Variants in MYT1L observed in about 807,000 individuals in gnomAD.
MYT1L encodes myelin transcription factor 1 like, also known as myelin transcription factor 1-like protein.
Under a neutral mutation model 126.7 loss-of-function variants are expected in MYT1L, and 12 were observed. The observed-to-expected ratio is 0.09, with a 90% confidence interval of 0.06 to 0.15. The LOEUF (loss-of-function observed/expected upper bound fraction) is 0.15, where lower values mean the gene tolerates loss of function less well. Among genes scored for constraint, MYT1L ranks in the 10% least tolerant of loss-of-function variants. The pLI, the probability that MYT1L is intolerant of heterozygous loss-of-function variation, is 1.00. For missense variants in MYT1L, 979 were observed against 1,585.2 expected, an observed-to-expected ratio of 0.62 and a Z score of 6.49; for synonymous variants, 541 against 604.2, an observed-to-expected ratio of 0.90 and a Z score of 1.53.
intron 21 of MYT1L, among the ~76,000 whole-genome samples, chr2:1,833,767 T>C (rs1467722642): frequency 6.6e-6 from 1 of 152,232 alleles, no homozygotes; most frequent in African/African-American, 2.4e-5. Context: ...ACCCTAAAGA[T>C]AAAATGTTTT....
chr2:1,964,626 AT>A (rs1199556039), intron 8 of MYT1L, among the ~76,000 whole-genome samples: 7 of 152,244 alleles, frequency 4.6e-5, no homozygotes, highest in Non-Finnish European at 1.0e-4. Flanking sequence ...CTTAAAAAAA[AT>A]CTTAACTAGA....
chr2:2,211,288 T>G (rs191761078), intron 2 of MYT1L, among the ~76,000 whole-genome samples: 12 of 152,306 alleles, frequency 7.9e-5, no homozygotes, highest in Admixed American at 7.8e-4. Context: ...AATGACCACG[T>G]TTTTAAACAT....
intron 4 of MYT1L, among the ~76,000 whole-genome samples, chr2:2,006,755 T>A (rs1177475823): frequency 6.6e-6 from 1 of 151,950 alleles, no homozygotes; most frequent in Non-Finnish European, 1.5e-5. Flanking sequence ...TTTGTATTTT[T>A]AGTAGAGACG....
chr2:2,076,508 C>CCAATAAACAGA, intron 3 of MYT1L, among the ~76,000 whole-genome samples: 1 of 152,160 alleles, frequency 6.6e-6, no homozygotes, highest in East Asian at 1.9e-4. Context: ...TAAAAACTAA[C>CCAATAAACAGA]CAATAAACAG....
chr2:2,012,315 G>A (rs909057257), intron 4 of MYT1L, among the ~76,000 whole-genome samples: 5 of 152,176 alleles, frequency 3.3e-5, no homozygotes, highest in South Asian at 2.1e-4. Flanking sequence ...TAGATGCTAC[G>A]ACATAAATGA....
At chr2:1,960,179 A>T (rs939122389) in intron 8 of MYT1L, among the ~76,000 whole-genome samples, 1 of 152,188 alleles carries the variant, frequency 6.6e-6, no homozygotes, top group African/African-American at 2.4e-5. Flanking sequence ...TGGAAAGACG[A>T]CATACAAGGC....
At chr2:2,105,933 T>C (rs973271910) in intron 3 of MYT1L, among the ~76,000 whole-genome samples, 2 of 152,232 alleles carry the variant, frequency 1.3e-5, no homozygotes, top group Non-Finnish European at 2.9e-5. Flanking sequence ...TGCATTTTTA[T>C]TCCCGAGACA....
intron 2 of MYT1L, among the ~76,000 whole-genome samples, chr2:2,232,889 G>C (rs1484762549): frequency 6.6e-6 from 1 of 152,130 alleles, no homozygotes; most frequent in Non-Finnish European, 1.5e-5. Flanking sequence ...TGATTGTACT[G>C]CCTCTGGGTT....
At chr2:1,902,841 C>T (rs1305932462) in intron 14 of MYT1L, 6 of 526,696 alleles carry the variant, frequency 1.1e-5, no homozygotes, top group African/African-American at 3.8e-5. Context: ...CAGCCGAGTG[C>T]GCTGTCTCGG....
chr2:1,825,696 T>A (rs1039501129), intron 21 of MYT1L: 13 of 152,212 alleles, frequency 8.5e-5, no homozygotes, highest in Non-Finnish European at 4.4e-5. Flanking sequence ...TGTTTGTATA[T>A]TGGTTTTCCC....
At chr2:1,968,547 G>T (rs978156846) in intron 8 of MYT1L, among the ~76,000 whole-genome samples, 23 of 152,290 alleles carry the variant, frequency 1.5e-4, no homozygotes, top group South Asian at 2.1e-4. Context: ...ACAAGGAACG[G>T]ATCTTTTAAA....
At chr2:2,239,145 C>T (rs1433447267) in intron 2 of MYT1L, among the ~76,000 whole-genome samples, 1 of 152,230 alleles carries the variant, frequency 6.6e-6, no homozygotes, top group Non-Finnish European at 1.5e-5. Context: ...CATGAATGGA[C>T]ACTACCATTT....
Position 1,910,486 on chromosome 2 carries a change from C to A in MYT1L, c.1710-139G>T. On this transcript the variant is annotated intron_variant, in intron 12 of 24. Transcript: ENST00000647738. The surrounding 1 kb of genome is among the most constrained non-coding windows in gnomAD (Gnocchi z 4.8). The stretch of plus-strand genomic sequence containing the variant: ...TTTCCCAAACCTGGCACAGGCAGTC[C>A]TGATGGGTGGACTGGGAGAGGGGGA... The A allele has an allele frequency of 1.4e-6, 1 of 697,804 alleles. No individual in the cohort carries two copies. The highest frequency in any genetic ancestry group is 2.2e-5 in the Admixed American group (1 of 45,570). 43.2% of individuals were successfully genotyped at this position (697,804 alleles called of 1,614,324 possible).
At chr2:2,270,609 G>T (rs1411152129) in intron 2 of MYT1L, among the ~76,000 whole-genome samples, 2 of 151,896 alleles carry the variant, frequency 1.3e-5, no homozygotes, top group African/African-American at 4.8e-5. Context: ...GCCAATCCAA[G>T]CAATGAAAAA....
intron 4 of MYT1L, among the ~76,000 whole-genome samples, chr2:2,030,123 A>T (rs1648692460): frequency 6.6e-6 from 1 of 152,148 alleles, no homozygotes; most frequent in South Asian, 2.1e-4. Flanking sequence ...TTTAAGATGG[A>T]GTCTTGCTCT....
intron 2 of MYT1L, among the ~76,000 whole-genome samples, chr2:2,173,470 T>C (rs1323492003): frequency 6.6e-6 from 1 of 152,254 alleles, no homozygotes; most frequent in Non-Finnish European, 1.5e-5. Flanking sequence ...CTCAACTTTA[T>C]CTTACTATCA....
chr2:2,325,381 A>G (rs892423606), intron 1 of MYT1L: 5 of 152,218 alleles, frequency 3.3e-5, no homozygotes, highest in African/African-American at 1.2e-4. Flanking sequence ...AACAAAAGCT[A>G]TGAAACTACT....
intron 2 of MYT1L, among the ~76,000 whole-genome samples, chr2:2,235,984 C>T (rs182939902): frequency 1.8e-4 from 27 of 152,240 alleles, no homozygotes; most frequent in African/African-American, 3.6e-4. Flanking sequence ...TAGATAATAG[C>T]GTATCATTAC....
intron 3 of MYT1L, among the ~76,000 whole-genome samples, chr2:2,171,354 C>T (rs1203403429): frequency 6.6e-6 from 1 of 152,206 alleles, no homozygotes; most frequent in Admixed American, 6.5e-5. Context: ...TGCTTTATCT[C>T]AAACTACATT....
Sources: gnomAD v4.1 joint callset for allele counts (sites outside exome capture counted in the v4.1 genomes callset) on GRCh38, gnomAD v4.1.1 for gene constraint, Gnocchi (gnomAD v3.1) non-coding constraint, MANE v1.5 for transcripts, NCBI Gene and HGNC (gene_info 2026-07-23, HGNC 2026-07-21) for gene names.